XRCC4: variants seen among roughly 807,000 people sequenced by gnomAD.
XRCC4 encodes DNA repair protein XRCC4.
A neutral mutation model predicts 39.1 loss-of-function variants in XRCC4; 28 were observed. The observed-to-expected ratio is 0.72, with a 90% CI of 0.53 to 0.98. The LOEUF (loss-of-function observed/expected upper bound fraction) is 0.98. XRCC4 is among the 50% of genes least tolerant of loss of function. XRCC4 has a pLI of 0.00. For synonymous variants in XRCC4, 123 were observed against 126.4 expected, an observed-to-expected ratio of 0.97 and a Z score of 0.18; for missense variants, 350 against 376.4, an observed-to-expected ratio of 0.93 and a Z score of 0.58.
chr5:83,214,846 A>T lies in XRCC4; in HGVS notation c.745+9925A>T, dbSNP rs1013527477. ...AGCAAGACTCCTTCTCAAAAAAAAAAAATAATAATAATAAAAATACAGAAT... is the reference window on the plus strand; with the variant it reads ...AGCAAGACTCCTTCTCAAAAAAAAATAATAATAATAATAAAAATACAGAAT... On this transcript the variant is annotated intron_variant, in intron 6 of 7. Transcript: ENST00000396027. Among the ~76,000 whole-genome samples, 289 of 125,446 alleles carry T rather than the reference A, an allele frequency of 2.3e-3. 7 individuals are homozygous for T. Among genetic ancestry groups the T allele is most frequent in the Non-Finnish European group, 3.2e-3 (190 of 58,892 alleles). The allele number at this position is 125,446 out of a possible 152,430, so 82.3% of individuals were successfully genotyped here.
chr5:83,341,728 C>T (rs1240815245), intron 7 of XRCC4, among the ~76,000 whole-genome samples: 1 of 152,164 alleles, frequency 6.6e-6, no homozygotes, highest in Non-Finnish European at 1.5e-5. Context: ...AAAATCCTGG[C>T]TCCATTACCG....
At chr5:83,274,835 A>G (rs1204613998) in intron 7 of XRCC4, among the ~76,000 whole-genome samples, 2 of 152,224 alleles carry the variant, frequency 1.3e-5, no homozygotes, top group African/African-American at 4.8e-5. Context: ...TTGAGGGCCA[A>G]TGGTCTTTAA....
intron 7 of XRCC4, among the ~76,000 whole-genome samples, chr5:83,263,565 T>C (rs1753841991): frequency 1.3e-5 from 2 of 151,336 alleles, no homozygotes; most frequent in South Asian, 2.1e-4. Context: ...TATCTCATTG[T>C]GGTTTTGATT....
Position 83,310,465 on chromosome 5 carries a change from A to G in XRCC4, c.894-42666A>G, listed in dbSNP as rs28360293. 8.5e-4 allele frequency among the ~76,000 whole-genome samples: 130 copies of G among 152,300 alleles called. 1 individual carries two copies. In the East Asian group the frequency reaches 0.021, roughly 25 times the overall value. ...GCCTCCTGGCAGTACTATAAGTTTC[A>G]TTATTATTATATAATATTTTCACAT... On this transcript the variant is annotated intron_variant, in intron 7 of 7. Coordinates refer to ENST00000396027, the MANE Select transcript of XRCC4 (RefSeq NM_003401.5).
intron 7 of XRCC4, among the ~76,000 whole-genome samples, chr5:83,316,828 G>T (rs1423928502): frequency 3.2e-5 from 4 of 123,108 alleles, no homozygotes; most frequent in African/African-American, 1.2e-4. Flanking sequence ...CCCAGGAATT[G>T]AACTCAGCTC....
chr5:83,347,031 A>C (rs1450144235), intron 7 of XRCC4, among the ~76,000 whole-genome samples: 1 of 152,198 alleles, frequency 6.6e-6, no homozygotes, highest in African/African-American at 2.4e-5. Flanking sequence ...ATATATGTAT[A>C]AGGATACTAA....
chr5:83,145,481 G>A (rs1453110791), intron 3 of XRCC4, among the ~76,000 whole-genome samples: 1 of 152,160 alleles, frequency 6.6e-6, no homozygotes, highest in African/African-American at 2.4e-5. Flanking sequence ...TTCAAACTTT[G>A]TTTCCTATGT....
At chr5:83,221,387 A>G (rs942779214) in intron 6 of XRCC4, among the ~76,000 whole-genome samples, 1 of 152,104 alleles carries the variant, frequency 6.6e-6, no homozygotes, top group Non-Finnish European at 1.5e-5. Flanking sequence ...CTGTCTAGTA[A>G]TTTGTAGAGT....
chr5:83,278,172 A>G (rs1420936419), intron 7 of XRCC4, among the ~76,000 whole-genome samples: 1 of 152,196 alleles, frequency 6.6e-6, no homozygotes, highest in Non-Finnish European at 1.5e-5. Context: ...TTCACTTTCC[A>G]TTTGACTTGT....
At chr5:83,190,811 ATC>A (rs1035106020) in intron 3 of XRCC4, among the ~76,000 whole-genome samples, 18 of 151,882 alleles carry the variant, frequency 1.2e-4, no homozygotes, top group African/African-American at 4.4e-4. Flanking sequence ...TTTAAAAAAC[ATC>A]TGTTTAATTA....
intron 6 of XRCC4, among the ~76,000 whole-genome samples, chr5:83,243,109 T>A (rs1021082031): frequency 6.6e-6 from 1 of 152,236 alleles, no homozygotes; most frequent in Admixed American, 6.5e-5. Flanking sequence ...AGTCTAGAAG[T>A]AGCGGTAGTT....
Position 83,192,981 on chromosome 5 carries a change from C to T in XRCC4, c.316-2789C>T, listed in dbSNP as rs531690338. The stretch of plus-strand genomic sequence containing the variant: ...AAATTTAAAAATTGACACAACAGTA[C>T]GATATAGCTTTTGTGCTAATTTTCT... On this transcript the variant is annotated intron_variant, in intron 3 of 7. Transcript: ENST00000396027. Among the ~76,000 whole-genome samples, 6 of 152,226 alleles carry T rather than the reference C, an allele frequency of 3.9e-5. No homozygotes were observed. The East Asian group carries it at 7.7e-4, about 20-fold the overall frequency.
chr5:83,300,309 G>GA (rs955950827), intron 7 of XRCC4, among the ~76,000 whole-genome samples: 7 of 150,124 alleles, frequency 4.7e-5, no homozygotes, highest in African/African-American at 1.5e-4. Context: ...GTGCTATTAA[G>GA]AAAAAAAAAG....
At chr5:83,158,894 C>T (rs72767159) in intron 3 of XRCC4, among the ~76,000 whole-genome samples, 9,595 of 152,014 alleles carry the variant, frequency 0.063, 495 homozygotes, top group African/African-American at 0.14. Flanking sequence ...TTATAATTCT[C>T]CTCTTTCACC....
the XRCC4 span, among the ~76,000 whole-genome samples, chr5:83,364,888 G>T: frequency 6.6e-6 from 1 of 152,204 alleles, no homozygotes; most frequent in Admixed American, 6.5e-5. Context: ...TGGCTGAAGT[G>T]CAGTTTTAAA....
intron 6 of XRCC4, among the ~76,000 whole-genome samples, chr5:83,205,936 C>CA (rs1285444991): frequency 4.0e-5 from 6 of 151,720 alleles, no homozygotes; most frequent in East Asian, 1.9e-4. Flanking sequence ...AAAACAAAAA[C>CA]AAAAAAACAC....
chr5:83,241,021 A>C (rs1752887233), intron 6 of XRCC4, among the ~76,000 whole-genome samples: 1 of 152,148 alleles, frequency 6.6e-6, no homozygotes, highest in Non-Finnish European at 1.5e-5. Flanking sequence ...GGATCAGTTG[A>C]GGTCAGGAGT....
intron 7 of XRCC4, among the ~76,000 whole-genome samples, chr5:83,303,212 CA>C (rs760220069): frequency 0.083 from 5,210 of 62,850 alleles, 142 homozygotes; most frequent in African/African-American, 0.21. Context: ...GACTCCGTCT[CA>C]AAAAAAAAAA....
chr5:83,161,131 A>T (rs1331674148), intron 3 of XRCC4, among the ~76,000 whole-genome samples: 3 of 140,292 alleles, frequency 2.1e-5, no homozygotes, highest in African/African-American at 2.7e-5. Context: ...TTTTTTTGAG[A>T]TGGAGTTTTG....
Sources: allele counts gnomAD v4.1 joint callset (sites outside exome capture counted in the v4.1 genomes callset), GRCh38; gene constraint gnomAD v4.1.1; transcripts MANE v1.5; gene names NCBI Gene and HGNC (gene_info 2026-07-23, HGNC 2026-07-21).